Variants in VPS16 observed in about 807,000 individuals in gnomAD.
The protein encoded by VPS16 is vacuolar protein sorting-associated protein 16 homolog.
Under a neutral mutation model 116.0 loss-of-function variants are expected in VPS16, and 82 were observed. The observed-to-expected ratio is 0.71, with a 90% CI of 0.59 to 0.85. The LOEUF (loss-of-function observed/expected upper bound fraction) is 0.85. VPS16 is among the 40% of genes least tolerant of loss of function. The pLI, the probability that VPS16 is intolerant of heterozygous loss-of-function variation, is 0.00. For missense variants in VPS16, 928 were observed against 1,090.6 expected (o/e 0.85, Z 2.10); for synonymous variants, 406 against 420.7 (o/e 0.96, Z 0.43).
At chr20:2,862,301 T>G (rs938852709) in intron 11 of VPS16, among the ~76,000 whole-genome samples, 171 bp downstream of exon 11, 1 of 152,118 alleles carries the variant, frequency 6.6e-6, no homozygotes, top group African/African-American at 2.4e-5. Flanking sequence ...GTCCTCCATG[T>G]GGTGTGATAG....
intron 8 of VPS16, 76 bp from the exon 9 acceptor site, chr20:2,861,539 C>A: frequency 6.6e-7 from 1 of 1,507,946 alleles, no homozygotes; most frequent in Non-Finnish European, 8.9e-7. Flanking sequence ...TGTCCCGAGA[C>A]AAAGGATTAT....
At chr20:2,848,659 C>T (rs977586952) in intron 1 of VPS16, among the ~76,000 whole-genome samples, 1 of 152,104 alleles carries the variant, frequency 6.6e-6, no homozygotes, top group Non-Finnish European at 1.5e-5. Flanking sequence ...AGGGTAAGGC[C>T]AGTTGATCCC....
Position 2,863,521 on chromosome 20 carries a change from G to C in VPS16, c.1476+123G>C, listed in dbSNP as rs2146674263. On this transcript the variant is annotated intron_variant, in intron 15 of 23. Transcript: ENST00000380445. This position sits in a 1 kb window ranked among gnomAD's most constrained non-coding sequence, Gnocchi z 4.4. ...CTCATGCCTGTAATCCCAACACTTTGGGAGGCTGAGGCGGGCGAATCACCT... is the reference window on the plus strand; with the variant it reads ...CTCATGCCTGTAATCCCAACACTTTCGGAGGCTGAGGCGGGCGAATCACCT... The C allele has an allele frequency of 1.0e-6, 1 of 963,166 alleles. No individual in the cohort carries two copies. Among genetic ancestry groups the C allele is most frequent in the African/African-American group, 1.6e-5 (1 of 61,866 alleles). The allele number at this position is 963,166 out of a possible 1,614,324, so 59.7% of individuals were successfully genotyped here.
At position 2,861,847 on chromosome 20, in the gene VPS16, T is replaced by TGG; in HGVS notation, c.945_946dup (p.Val316GlyfsTer62). 1 of 1,613,958 alleles carries TGG rather than the reference T, an allele frequency of 6.2e-7. No homozygotes were observed. Among genetic ancestry groups the TGG allele is most frequent in the Non-Finnish European group, 8.5e-7 (1 of 1,179,956 alleles). ...ACTCCTACCTGGTGCCTGAGCTCGA[T>TGG]GGGGTCCGCATCTTCTCCCGCAGCA... On this transcript the variant is annotated frameshift_variant, in exon 10 of 24. Coordinates refer to ENST00000380445, the MANE Select transcript of VPS16 (RefSeq NM_022575.4). LOFTEE classifies it high-confidence loss of function.
Position 2,864,927 on chromosome 20 carries a change from G to C in VPS16, c.1927-51G>C. ...AGAAGACTGTAGCCTGGGTGAGGAG[G>C]GCGAGGGTCCTGCATGCTGTGAGTT... On this transcript the variant is annotated intron_variant, in intron 19 of 23. Transcript: ENST00000380445. The surrounding 1 kb of genome is among the most constrained non-coding windows in gnomAD (Gnocchi z 5.2). 1 of 1,610,936 alleles carries C rather than the reference G, an allele frequency of 6.2e-7. No homozygotes were observed. Among genetic ancestry groups the C allele is most frequent in the Non-Finnish European group, 8.5e-7 (1 of 1,177,726 alleles).
Position 2,865,641 on chromosome 20 carries a change from G to A in VPS16, c.2271+146G>A. ...GCGAGTGCTTCCTGTATACACATTT[G>A]TGGGCAGGCATCATCTGCTGTGTTG... On this transcript the variant is annotated intron_variant, in intron 22 of 23. Coordinates refer to ENST00000380445, the MANE Select transcript of VPS16 (RefSeq NM_022575.4). This position sits in a 1 kb window ranked among gnomAD's most constrained non-coding sequence, Gnocchi z 5.2. 1.3e-6 allele frequency: 1 copy of A among 762,744 alleles called. No individual in the cohort carries two copies. The allele number at this position is 762,744 out of a possible 1,614,324, so 47.2% of individuals were successfully genotyped here.
chr20:2,854,958 TAA>T (rs2089158179), intron 1 of VPS16, among the ~76,000 whole-genome samples: 1 of 113,872 alleles, frequency 8.8e-6, no homozygotes, highest in Non-Finnish European at 1.7e-5. Flanking sequence ...CAATGAGCAG[TAA>T]TTTTTTTTTT....
At chr20:2,843,910 G>A (rs1049626908) in intron 1 of VPS16, among the ~76,000 whole-genome samples, 1 of 152,220 alleles carries the variant, frequency 6.6e-6, no homozygotes, top group East Asian at 1.9e-4. Context: ...GTTGCTAACA[G>A]CTATTGAGCC....
Position 2,841,088 on chromosome 20 carries a change from C to G in VPS16, c.53+261C>G, listed in dbSNP as rs1310317718. 9.4e-6 allele frequency: 5 copies of G among 533,736 alleles called. No individual in the cohort carries two copies. The East Asian group carries it at 1.4e-4, about 14-fold the overall frequency. The allele number at this position is 533,736 out of a possible 1,614,324, so 33.1% of individuals were successfully genotyped here. On this transcript the variant is annotated intron_variant, in intron 1 of 23. Transcript: ENST00000380445. Reference sequence around the variant, plus strand: ...TTAGCCTCCGGAAAGATGCTCAGATCTCGCTGAGGGAGGCAGCTCGCGGGT... The same window carrying G: ...TTAGCCTCCGGAAAGATGCTCAGATGTCGCTGAGGGAGGCAGCTCGCGGGT...
chr20:2,862,038 C>T lies in VPS16; in HGVS notation c.995-16C>T. On this transcript the variant is annotated splice_polypyrimidine_tract_variant and intron_variant, in intron 10 of 23. Transcript: ENST00000380445. ...TTCCCTGCCTTTCTCCCTCACTCACCAACTCCCTTCCCCAGCGGCCAGCGA... is the reference window on the plus strand; with the variant it reads ...TTCCCTGCCTTTCTCCCTCACTCACTAACTCCCTTCCCCAGCGGCCAGCGA... The T allele has an allele frequency of 6.2e-7, 1 of 1,613,298 alleles. No individual in the cohort carries two copies. Among genetic ancestry groups the T allele is most frequent in the South Asian group, 1.1e-5 (1 of 90,780 alleles).
Position 2,840,835 on chromosome 20 carries a change from G to GGGGCCCCCC in VPS16, c.53+8_53+9insGGGCCCCCC. 6.6e-7 allele frequency: 1 copy of GGGGCCCCCC among 1,524,246 alleles called. No individual in the cohort carries two copies. Among genetic ancestry groups the GGGGCCCCCC allele is most frequent in the Non-Finnish European group, 8.9e-7 (1 of 1,127,928 alleles). The allele number at this position is 1,524,246 out of a possible 1,614,324, so 94.4% of individuals were successfully genotyped here. A position where few individuals can be genotyped will look rare whatever the true frequency, so the allele number is the denominator to read the frequency against. ...GGACTCTGCCTTTTACCGGTGAGCT[G>GGGGCCCCCC]CCCCGCCCTCCCGCCCACGGCCTGG... On this transcript the variant is annotated intron_variant, in intron 1 of 23. Transcript: ENST00000380445.
chr20:2,857,197 G>A (rs1321768605), intron 1 of VPS16, among the ~76,000 whole-genome samples: 4 of 152,056 alleles, frequency 2.6e-5, no homozygotes, highest in Admixed American at 6.6e-5. Flanking sequence ...TGCTGGTCTC[G>A]AACTCCTGAC....
At chr20:2,844,880 G>T (rs544284504) in intron 1 of VPS16, among the ~76,000 whole-genome samples, 122 of 152,260 alleles carry the variant, frequency 8.0e-4, no homozygotes, top group African/African-American at 2.7e-3. Flanking sequence ...GGACATGGAT[G>T]AAGTTGATGC....
At position 2,842,722 on chromosome 20, in the gene VPS16, G is replaced by GTATCTATATATAGATAGATACATCTA. The variant is rs1599966396; in HGVS notation, c.53+1895_53+1896insTATCTATATATAGATAGATACATCTA. 8.1e-4 allele frequency among the ~76,000 whole-genome samples: 36 copies of GTATCTATATATAGATAGATACATCTA among 44,538 alleles called. 3 individuals are homozygous for GTATCTATATATAGATAGATACATCTA. The highest frequency in any genetic ancestry group is 4.8e-3 in the African/African-American group (22 of 4,586). 29.2% of individuals were successfully genotyped at this position (44,538 alleles called of 152,430 possible). A position where few individuals can be genotyped will look rare whatever the true frequency, so the allele number is the denominator to read the frequency against. On this transcript the variant is annotated intron_variant, in intron 1 of 23. Transcript: ENST00000380445. ...TGTATCTATATATAGATAGACATATGGATGTATCTATCTATAGATACATAT... is the reference window on the plus strand; with the variant it reads ...TGTATCTATATATAGATAGACATATGTATCTATATATAGATAGATACATCTAGATGTATCTATCTATAGATACATAT...
chr20:2,849,444 G>A (rs934617739), intron 1 of VPS16, among the ~76,000 whole-genome samples: 2 of 152,046 alleles, frequency 1.3e-5, no homozygotes, highest in Admixed American at 6.6e-5. Flanking sequence ...GGGATTACAG[G>A]CATGCGCCAC....
intron 1 of VPS16, among the ~76,000 whole-genome samples, chr20:2,851,527 T>C (rs943539963): frequency 6.6e-6 from 1 of 151,494 alleles, no homozygotes; most frequent in African/African-American, 2.4e-5. Context: ...CTGGGCATGG[T>C]GGTGCGTGCC....
chr20:2,862,420 G>A (rs773164863), intron 11 of VPS16, 159 bp from the exon 12 acceptor site: 5 of 1,391,832 alleles, frequency 3.6e-6, no homozygotes, highest in Middle Eastern at 5.3e-4. Flanking sequence ...TGATGTCTGT[G>A]GGCACCTCAG....
In VPS16 at chr20:2,865,176, G is replaced by T; in HGVS notation, c.2033G>T (p.Arg678Leu). ...KATEDQMRLL[R>L]LQRRLEDELG... ...ACAGAGGATCAAATGCGGCTCCTAC[G>T]GCTGCAGCGGCGCCTAGAAGACGAG... The change falls in exon 21 of 24, where the codon CGG (arginine) becomes CTG (leucine). Residue 678 changes from arginine to leucine, a missense_variant. Physicochemically the swap from Arg to Leu is moderately radical, Grantham distance 102. Transcript: ENST00000380445. This position sits in a 1 kb window ranked among gnomAD's most constrained non-coding sequence, Gnocchi z 5.2. 1 of 1,614,110 alleles carries T rather than the reference G, an allele frequency of 6.2e-7. No homozygotes were observed. The highest frequency in any genetic ancestry group is 8.5e-7 in the Non-Finnish European group (1 of 1,180,016).
chr20:2,862,965 A>G, intron 13 of VPS16, 31 bp downstream of exon 13: 2 of 1,613,688 alleles, frequency 1.2e-6, no homozygotes, highest in South Asian at 1.1e-5. Context: ...AGGGTACCCT[A>G]CAGCCAGGGG....
Sources: gnomAD v4.1 joint callset for allele counts (sites outside exome capture counted in the v4.1 genomes callset) on GRCh38, gnomAD v4.1.1 for gene constraint, Gnocchi (gnomAD v3.1) non-coding constraint, MANE v1.5 for transcripts, NCBI Gene and HGNC (gene_info 2026-07-23, HGNC 2026-07-21) for gene names.